TTLL5: variants seen among roughly 807,000 people sequenced by gnomAD.
The protein encoded by TTLL5 is tubulin tyrosine ligase like 5, also known as tubulin polyglutamylase TTLL5.
A neutral mutation model predicts 168.4 loss-of-function variants in TTLL5; 132 were observed. The observed-to-expected ratio is 0.78, with a 90% CI of 0.68 to 0.91. The LOEUF is 0.91. TTLL5 is among the 40% of genes least tolerant of loss of function. The pLI is 0.00. For missense variants in TTLL5, 1,545 were observed against 1,581.5 expected (o/e 0.98, Z 0.39); for synonymous variants, 546 against 558.6 (o/e 0.98, Z 0.32).
chr14:75,720,745 T>A, intron 12 of TTLL5, 42 bp downstream of exon 12: 3 of 1,550,440 alleles, frequency 1.9e-6, no homozygotes, highest in Non-Finnish European at 2.7e-6. Context: ...GTGAAGAGGA[T>A]CTTGGGAAGT....
At chr14:75,896,014 C>T (rs1314510849) in intron 30 of TTLL5, among the ~76,000 whole-genome samples, 3 of 152,016 alleles carry the variant, frequency 2.0e-5, no homozygotes, top group East Asian at 1.9e-4. Context: ...ACCAGAAATA[C>T]GGGGGAATAG....
At chr14:75,888,799 G>A (rs568773256) in intron 30 of TTLL5, among the ~76,000 whole-genome samples, 11 of 152,178 alleles carry the variant, frequency 7.2e-5, no homozygotes, top group Admixed American at 5.2e-4. Context: ...GCTGGGCATG[G>A]TGGCAGGTGC....
intron 31 of TTLL5, among the ~76,000 whole-genome samples, chr14:75,911,832 T>C (rs993421656): frequency 3.9e-5 from 6 of 152,226 alleles, no homozygotes; most frequent in African/African-American, 1.2e-4. Flanking sequence ...ATTCTTCCTT[T>C]TTAGTATTCT....
At chr14:75,913,336 C>CCCT (rs1436491854) in intron 31 of TTLL5, among the ~76,000 whole-genome samples, 5 of 152,130 alleles carry the variant, frequency 3.3e-5, no homozygotes, top group African/African-American at 1.2e-4. Context: ...TCCTGTCCAG[C>CCCT]CCTACCCTAT....
intron 30 of TTLL5, among the ~76,000 whole-genome samples, chr14:75,898,904 C>G (rs1010295819): frequency 6.6e-6 from 1 of 152,158 alleles, no homozygotes; most frequent in Non-Finnish European, 1.5e-5. Context: ...ACTTTAATAG[C>G]AAATTGCTGT....
chr14:75,721,443 T>C (rs1887830838), intron 12 of TTLL5, among the ~76,000 whole-genome samples: 1 of 152,212 alleles, frequency 6.6e-6, no homozygotes, highest in African/African-American at 2.4e-5. Flanking sequence ...TAAAATACAC[T>C]AGGGTCTTTG....
At chr14:75,940,109 TCTCA>T (rs2034554357) in intron 31 of TTLL5, among the ~76,000 whole-genome samples, 1 of 136,512 alleles carries the variant, frequency 7.3e-6, no homozygotes, top group Non-Finnish European at 1.6e-5. Flanking sequence ...TGAGATGGAG[TCTCA>T]CTCTTGCCCA....
intron 31 of TTLL5, among the ~76,000 whole-genome samples, chr14:75,910,996 TGGG>T (rs921936059): frequency 1.3e-5 from 2 of 152,056 alleles, no homozygotes; most frequent in Non-Finnish European, 2.9e-5. Context: ...TTTTTGTTGT[TGGG>T]GGGTGGGTGG....
intron 29 of TTLL5, among the ~76,000 whole-genome samples, chr14:75,870,797 GTTTTTTT>G (rs551516323): frequency 2.4e-4 from 33 of 138,982 alleles, no homozygotes; most frequent in Non-Finnish European, 4.6e-4. Context: ...GCTTGCTTTG[GTTTTTTT>G]TTTTTTTTTG....
At chr14:75,927,727 G>T (rs2034123659) in intron 31 of TTLL5, among the ~76,000 whole-genome samples, 1 of 152,142 alleles carries the variant, frequency 6.6e-6, no homozygotes, top group Non-Finnish European at 1.5e-5. Context: ...CTGTCCCTGG[G>T]CCTGGCCTCA....
At chr14:75,813,269 TTTGTGTGTGTG>T (rs1555348211) in intron 27 of TTLL5, among the ~76,000 whole-genome samples, 1 of 77,164 alleles carries the variant, frequency 1.3e-5, no homozygotes, top group Non-Finnish European at 2.7e-5. Flanking sequence ...TGTGTGTGTG[TTTGTGTGTGTG>T]TGTGTGTGTG....
At chr14:75,950,631 AC>A (rs2034932567) in intron 31 of TTLL5, among the ~76,000 whole-genome samples, 1 of 152,194 alleles carries the variant, frequency 6.6e-6, no homozygotes, top group Non-Finnish European at 1.5e-5. Flanking sequence ...AGTGTATTAT[AC>A]TGTTTTATTT....
rs377388883 is a variant in TTLL5, at chr14:75,863,715, C to G, written c.3375C>G (p.Asn1125Lys). 6.2e-7 allele frequency: 1 copy of G among 1,611,934 alleles called. No homozygotes were observed. The highest frequency in any genetic ancestry group is 8.5e-7 in the Non-Finnish European group (1 of 1,178,608). Residue 1125 changes from asparagine (N) to lysine (K), a missense_variant, in exon 29 of 32, where the codon AAC becomes AAG. By Grantham distance (94) the Asn-to-Lys change is moderately conservative. Transcript: ENST00000298832. ...CCTGGGAAGGAGAAGTAGAAAACAA[C>G]GTGTACAGCCAGGCTACAGGGGTGG... ...GFAWEGEVEN[N>K]VYSQATGVVP...
At position 75,783,209 on chromosome 14, in the gene TTLL5, A is replaced by C. The variant is rs778408194; in HGVS notation, c.2665A>C (p.Thr889Pro). ...TTATAGCAATTCCTCCTCTGGTCCT[A>C]CTGCTACTCTGCAGAAAATTCCCAA... ...LVYSNSSSGP[T>P]ATLQKIPNTH... Residue 889 changes from threonine to proline, a missense_variant, in exon 26 of 32, where the codon ACT becomes CCT. Physicochemically the swap from Thr to Pro is conservative, Grantham distance 38 (BLOSUM62 -1). Coordinates refer to ENST00000298832, the MANE Select transcript of TTLL5 (RefSeq NM_015072.5). 24 of 1,613,990 alleles carry C rather than the reference A, an allele frequency of 1.5e-5. No homozygotes were observed. Among genetic ancestry groups the C allele is most frequent in the Non-Finnish European group, 1.8e-5 (21 of 1,180,042 alleles).
intron 4 of TTLL5, among the ~76,000 whole-genome samples, chr14:75,682,451 C>T (rs561132564): frequency 2.6e-5 from 4 of 152,224 alleles, no homozygotes; most frequent in African/African-American, 4.8e-5. Context: ...CTGCCATGGG[C>T]GTGACTGGAC....
chr14:75,759,425 T>C (rs1017177575), intron 18 of TTLL5, among the ~76,000 whole-genome samples: 1 of 151,938 alleles, frequency 6.6e-6, no homozygotes, highest in South Asian at 2.1e-4. Flanking sequence ...CCAGGCTCAC[T>C]GGTTTCACTA....
At chr14:75,878,722 A>G (rs2031636731) in intron 29 of TTLL5, among the ~76,000 whole-genome samples, 1 of 152,334 alleles carries the variant, frequency 6.6e-6, no homozygotes, top group Admixed American at 6.5e-5. Flanking sequence ...CTCCTAAATT[A>G]TTTTATTTTA....
At chr14:75,809,437 G>T (rs141033734) in intron 27 of TTLL5, among the ~76,000 whole-genome samples, 5 of 152,116 alleles carry the variant, frequency 3.3e-5, no homozygotes, top group Admixed American at 3.3e-4. Flanking sequence ...GGATTTGGGG[G>T]TTATTCATAT....
chr14:75,783,696 T>A (rs1436708147), intron 26 of TTLL5, among the ~76,000 whole-genome samples, 166 bp downstream of exon 26: 1 of 152,224 alleles, frequency 6.6e-6, no homozygotes, highest in Non-Finnish European at 1.5e-5. Context: ...TTGCATCCAG[T>A]AGCATGCCTT....
Sources: gnomAD v4.1 joint callset for allele counts (sites outside exome capture counted in the v4.1 genomes callset) on GRCh38, gnomAD v4.1.1 for gene constraint, MANE v1.5 for transcripts, NCBI Gene and HGNC (gene_info 2026-07-23, HGNC 2026-07-21) for gene names.